CTDSPL2: variants seen among roughly 807,000 people sequenced by gnomAD.
The protein encoded by CTDSPL2 is CTD small phosphatase-like protein 2.
CTDSPL2 carries 5 observed loss-of-function variants against 60.0 expected under a neutral mutation model. That is an observed-to-expected ratio of 0.08 (90% CI 0.04 to 0.18). CTDSPL2 has a LOEUF of 0.18. CTDSPL2 is among the 10% of genes least tolerant of loss of function. The pLI is 1.00. For synonymous variants in CTDSPL2, 186 were observed against 189.3 expected (o/e 0.98, Z 0.14); for missense variants, 370 against 548.8 (o/e 0.67, Z 3.26).
chr15:44,496,368 T>C lies in CTDSPL2; in HGVS notation c.692-12T>C. ...GTAAAAGCAACATTTTTTCTTTCAC[T>C]ATGTTAAATAGCACCAGTAACTCCA... On this transcript the variant is annotated splice_polypyrimidine_tract_variant and intron_variant, in intron 5 of 12. Transcript: ENST00000260327. The C allele has an allele frequency of 6.3e-7, 1 of 1,594,264 alleles. No individual in the cohort carries two copies. Among genetic ancestry groups the C allele is most frequent in the Non-Finnish European group, 8.6e-7 (1 of 1,166,546 alleles).
At chr15:44,458,354 A>G (rs757694205) in intron 1 of CTDSPL2, among the ~76,000 whole-genome samples, 3 of 152,246 alleles carry the variant, frequency 2.0e-5, no homozygotes, top group Non-Finnish European at 4.4e-5. Context: ...TACCTATAAA[A>G]TGAGAGAGCT....
At chr15:44,447,991 C>T in intron 1 of CTDSPL2, 1 of 204,110 alleles carries the variant, frequency 4.9e-6, no homozygotes, top group South Asian at 8.0e-5. Flanking sequence ...CCCATCCTCT[C>T]CAGACTGTTG....
chr15:44,459,626 A>G (rs994281768), intron 2 of CTDSPL2, among the ~76,000 whole-genome samples: 1 of 152,204 alleles, frequency 6.6e-6, no homozygotes, highest in Non-Finnish European at 1.5e-5. Flanking sequence ...TTTTACTTCT[A>G]AGAGTTTTAC....
At chr15:44,448,461 G>C (rs1163493382) in intron 1 of CTDSPL2, 1 of 248,432 alleles carries the variant, frequency 4.0e-6, no homozygotes, top group East Asian at 1.1e-4. Flanking sequence ...TGTAGTCAGC[G>C]CTTGGGCCTC....
intron 1 of CTDSPL2, among the ~76,000 whole-genome samples, chr15:44,430,802 A>G (rs902788719): frequency 2.0e-5 from 3 of 151,840 alleles, no homozygotes; most frequent in Non-Finnish European, 4.4e-5. Context: ...TAAATTGGCT[A>G]CAGGGGGTCA....
At chr15:44,448,218 G>A (rs183847095) in intron 1 of CTDSPL2, 7 of 295,920 alleles carry the variant, frequency 2.4e-5, no homozygotes, top group Admixed American at 3.9e-5. Context: ...AGCCCATGCC[G>A]GCACCCATGT....
intron 4 of CTDSPL2, among the ~76,000 whole-genome samples, chr15:44,488,104 C>T (rs1276446933): frequency 1.4e-5 from 2 of 146,858 alleles, no homozygotes; most frequent in African/African-American, 5.1e-5. Context: ...AGCAAGACTC[C>T]GTCTCAAAAA....
intron 10 of CTDSPL2, among the ~76,000 whole-genome samples, chr15:44,515,600 G>A (rs996607242): frequency 2.6e-5 from 4 of 152,178 alleles, no homozygotes; most frequent in African/African-American, 9.7e-5. Flanking sequence ...GCCAGGCGCG[G>A]TGGCTCACGC....
intron 8 of CTDSPL2, among the ~76,000 whole-genome samples, chr15:44,508,821 A>G (rs2140852539): frequency 6.6e-6 from 1 of 152,310 alleles, no homozygotes; most frequent in South Asian, 2.1e-4. Context: ...CGGGAGGCTG[A>G]GGCAGAGAAT....
At chr15:44,446,247 T>G (rs1171112069) in intron 1 of CTDSPL2, among the ~76,000 whole-genome samples, 1 of 152,170 alleles carries the variant, frequency 6.6e-6, no homozygotes, top group Non-Finnish European at 1.5e-5. Context: ...TTTTACAGGT[T>G]AATTTTATCT....
chr15:44,474,406 C>T (rs1473864571), intron 2 of CTDSPL2, among the ~76,000 whole-genome samples: 1 of 151,792 alleles, frequency 6.6e-6, no homozygotes, highest in East Asian at 1.9e-4. Flanking sequence ...CGGGAGATCG[C>T]TTGAACCCAG....
At chr15:44,435,026 C>G (rs1490902963) in intron 1 of CTDSPL2, among the ~76,000 whole-genome samples, 1 of 152,054 alleles carries the variant, frequency 6.6e-6, no homozygotes, top group Non-Finnish European at 1.5e-5. Flanking sequence ...CTTTCGGAGG[C>G]CAAGGCAGGC....
At chr15:44,512,769 T>C (rs1353176974) in intron 8 of CTDSPL2, among the ~76,000 whole-genome samples, 1 of 152,154 alleles carries the variant, frequency 6.6e-6, no homozygotes, top group Non-Finnish European at 1.5e-5. Flanking sequence ...AGGAGGGGTA[T>C]GTGGTTTACT....
intron 8 of CTDSPL2, 50 bp downstream of exon 8, chr15:44,499,863 TAAA>T (rs755242893): frequency 1.9e-6 from 2 of 1,027,698 alleles, no homozygotes; most frequent in East Asian, 2.4e-5. Context: ...AACATTCTGA[TAAA>T]AAAAACTTTT....
intron 1 of CTDSPL2, among the ~76,000 whole-genome samples, chr15:44,452,958 C>T (rs1017655315): frequency 1.3e-5 from 2 of 151,994 alleles, no homozygotes; most frequent in Admixed American, 6.6e-5. Flanking sequence ...GAATATTCGA[C>T]CAGTTTGCTC....
At chr15:44,495,548 CAAAA>C (rs756447042) in intron 5 of CTDSPL2, among the ~76,000 whole-genome samples, 1 of 99,624 alleles carries the variant, frequency 1.0e-5, no homozygotes, top group Non-Finnish European at 2.1e-5. Flanking sequence ...GACTCCGCCT[CAAAA>C]AAAAAAAAAA....
chr15:44,509,402 C>T (rs2453276), intron 8 of CTDSPL2, among the ~76,000 whole-genome samples: 150,303 of 152,046 alleles, frequency 0.99, 74,318 homozygotes, highest in Non-Finnish European at 1. Context: ...GACGGGGTTT[C>T]CACCATGTTG....
chr15:44,496,846 A>G (rs2140823401), intron 6 of CTDSPL2, among the ~76,000 whole-genome samples, 181 bp from the exon 7 acceptor site: 1 of 152,300 alleles, frequency 6.6e-6, no homozygotes, highest in African/African-American at 2.4e-5. Context: ...CAAACAAACA[A>G]AAACAGCTGT....
At position 44,499,626 on chromosome 15, in the gene CTDSPL2, T is replaced by A. The variant is rs1425732262; in HGVS notation, c.883-101T>A. 6 of 673,916 alleles carry A rather than the reference T, an allele frequency of 8.9e-6. No homozygotes were observed. The African/African-American group carries it at 1.1e-4, about 12-fold the overall frequency. The allele number at this position is 673,916 out of a possible 1,614,324, so 41.7% of individuals were successfully genotyped here. On this transcript the variant is annotated intron_variant, in intron 7 of 12. Coordinates refer to ENST00000260327, the MANE Select transcript of CTDSPL2 (RefSeq NM_016396.3). Reference sequence around the variant, plus strand: ...TATATTATAAATGTAAAATTCAACATATGAATGGGTGCTTTAGTGTTTTGG... The same window carrying A: ...TATATTATAAATGTAAAATTCAACAAATGAATGGGTGCTTTAGTGTTTTGG...
Sources: allele counts gnomAD v4.1 joint callset (sites outside exome capture counted in the v4.1 genomes callset), GRCh38; gene constraint gnomAD v4.1.1; transcripts MANE v1.5; gene names NCBI Gene and HGNC (gene_info 2026-07-23, HGNC 2026-07-21).